Variants in GTF2A1L observed in about 807,000 individuals in gnomAD.
GTF2A1L encodes general transcription factor IIA subunit 1 like.
GTF2A1L carries 48 observed loss-of-function variants against 49.7 expected under a neutral mutation model. The observed-to-expected ratio is 0.97, with a 90% CI of 0.77 to 1.23. The LOEUF is 1.23. GTF2A1L is among the 50% of genes most tolerant of loss of function. The pLI, the probability that GTF2A1L is intolerant of heterozygous loss-of-function variation, is 0.00. For missense variants in GTF2A1L, 736 were observed against 564.8 expected (o/e 1.30, Z -3.07); for synonymous variants, 246 against 193.5 (o/e 1.27, Z -2.25).
chr2:48,644,290 A>G (rs1677372692), intron 4 of GTF2A1L, among the ~76,000 whole-genome samples: 1 of 152,190 alleles, frequency 6.6e-6, no homozygotes, highest in South Asian at 2.1e-4. Context: ...CATGAAAGCT[A>G]TATTAGTTTT....
Position 48,645,062 on chromosome 2 carries a change from T to A in GTF2A1L, c.333T>A (p.Thr111=). The change falls in exon 5 of 9, where the codon ACT becomes ACA. Residue 111 remains threonine (T), a synonymous_variant. Transcript: ENST00000403751. ...CTTCAAACTCCAGTGCAAACTTTAC[T>A]TTTCCTGGTTATCCCATTCATGTAC... ...LGTSNSSANF[T]FPGYPIHVPA... 6.2e-7 allele frequency: 1 copy of A among 1,612,806 alleles called. No individual in the cohort carries two copies. The highest frequency in any genetic ancestry group is 8.5e-7 in the Non-Finnish European group (1 of 1,179,536).
In GTF2A1L at chr2:48,631,778, T is replaced by C. The variant is rs140714032; in HGVS notation, c.247+10488T>C. On this transcript the variant is annotated intron_variant, in intron 3 of 8. Coordinates refer to ENST00000403751, the MANE Select transcript of GTF2A1L (RefSeq NM_006872.5). ...GTTAATTTGAGATCTTTCCAACTTT[T>C]TGTGGTAGGCATTTAGTACTATACA... Among the ~76,000 whole-genome samples, 124 of 152,286 alleles carry C rather than the reference T, an allele frequency of 8.1e-4. 1 individual carries two copies. In the East Asian group the frequency reaches 0.013, roughly 16 times the overall value.
rs549202780 is a variant in GTF2A1L, at chr2:48,666,886, A to G, written c.979-2836A>G. ...CTAAATTATTTGGTGTATCAATCAT[A>G]GTTTGACATTTCTAACTGTCTCTGA... On this transcript the variant is annotated intron_variant, in intron 6 of 8. Coordinates refer to ENST00000403751, the MANE Select transcript of GTF2A1L (RefSeq NM_006872.5). Among the ~76,000 whole-genome samples the G allele has an allele frequency of 7.2e-5, 11 of 151,976 alleles. No homozygotes were observed. In the South Asian group the frequency reaches 2.3e-3, roughly 32 times the overall value.
chr2:48,644,029 A>G (rs1471931344), intron 4 of GTF2A1L, among the ~76,000 whole-genome samples: 4 of 152,008 alleles, frequency 2.6e-5, no homozygotes, highest in African/African-American at 9.7e-5. Flanking sequence ...AAATTAGCCA[A>G]GCATGGTGGT....
At chr2:48,656,852 C>T (rs906531814) in intron 6 of GTF2A1L, among the ~76,000 whole-genome samples, 4 of 151,978 alleles carry the variant, frequency 2.6e-5, no homozygotes, top group Admixed American at 6.6e-5. Flanking sequence ...CTCTTTGATC[C>T]ATTTTGAGTT....
chr2:48,629,050 T>C lies in GTF2A1L; in HGVS notation c.247+7760T>C, dbSNP rs1215022643. Reference sequence around the variant, plus strand: ...TGAGGACAGGAGTTTGAGACCAGCCTGACCAACATGGTGAAACCTGTCTTT... The same window carrying C: ...TGAGGACAGGAGTTTGAGACCAGCCCGACCAACATGGTGAAACCTGTCTTT... On this transcript the variant is annotated intron_variant, in intron 3 of 8. Coordinates refer to ENST00000403751, the MANE Select transcript of GTF2A1L (RefSeq NM_006872.5). Among the ~76,000 whole-genome samples the C allele has an allele frequency of 2.1e-5, 3 of 143,076 alleles. 1 individual carries two copies. Among genetic ancestry groups the C allele is most frequent in the Non-Finnish European group, 4.7e-5 (3 of 63,604 alleles). The allele number at this position is 143,076 out of a possible 152,430, so 93.9% of individuals were successfully genotyped here.
chr2:48,632,979 T>G, intron 3 of GTF2A1L: 1 of 209,564 alleles, frequency 4.8e-6, no homozygotes, highest in Non-Finnish European at 1.0e-5. Flanking sequence ...GTTGTTGAAA[T>G]TAGTAAGATG....
intron 1 of GTF2A1L, among the ~76,000 whole-genome samples, chr2:48,618,774 T>C (rs777760848): frequency 2.9e-4 from 44 of 152,220 alleles, no homozygotes; most frequent in Non-Finnish European, 5.7e-4. Flanking sequence ...GTCTGTATTT[T>C]AAATAGAGGA....
chr2:48,645,719 G>C (rs1384481779), intron 5 of GTF2A1L, among the ~76,000 whole-genome samples: 1 of 152,176 alleles, frequency 6.6e-6, no homozygotes, highest in Non-Finnish European at 1.5e-5. Flanking sequence ...CGCAATCTCT[G>C]CTCACTGCAA....
chr2:48,662,652 C>CTTT (rs35260466), intron 6 of GTF2A1L, among the ~76,000 whole-genome samples: 1 of 132,378 alleles, frequency 7.6e-6, no homozygotes, highest in African/African-American at 2.7e-5. Context: ...CTTGGTTGAT[C>CTTT]TTTTTTTTTT....
At chr2:48,644,978 A>G (rs952011263) in intron 4 of GTF2A1L, 55 bp from the exon 5 acceptor site, 1 of 1,530,188 alleles carries the variant, frequency 6.5e-7, no homozygotes, top group African/African-American at 1.4e-5. Flanking sequence ...TCAGGGAAAA[A>G]AAGATACAAG....
At chr2:48,669,096 A>G (rs1362132545) in intron 6 of GTF2A1L, among the ~76,000 whole-genome samples, 1 of 152,168 alleles carries the variant, frequency 6.6e-6, no homozygotes, top group Non-Finnish European at 1.5e-5. Flanking sequence ...TACATTCACA[A>G]TGTTGTACAA....
intron 1 of GTF2A1L, chr2:48,618,140 A>T (rs998478631): frequency 7.9e-6 from 4 of 505,242 alleles, no homozygotes; most frequent in African/African-American, 2.0e-5. Context: ...TTTTTACCCA[A>T]ACTGAGGCTA....
At chr2:48,666,559 A>C (rs886241067) in intron 6 of GTF2A1L, among the ~76,000 whole-genome samples, 2 of 151,160 alleles carry the variant, frequency 1.3e-5, no homozygotes, top group African/African-American at 4.9e-5. Context: ...TTTATATTCA[A>C]TATAGTTATT....
In GTF2A1L at chr2:48,677,892, A is replaced by G. The variant is rs149408905; in HGVS notation, c.1330-1443A>G. ...ATTTTTGACTTGAGCTCTTAGAAGAATAAGTGGTCATTTCCCAGTGAGATG... is the reference window on the plus strand; with the variant it reads ...ATTTTTGACTTGAGCTCTTAGAAGAGTAAGTGGTCATTTCCCAGTGAGATG... On this transcript the variant is annotated intron_variant, in intron 8 of 8. Coordinates refer to ENST00000403751, the MANE Select transcript of GTF2A1L (RefSeq NM_006872.5). Among the ~76,000 whole-genome samples, 39 of 151,986 alleles carry G rather than the reference A, an allele frequency of 2.6e-4. No homozygotes were observed. In the East Asian group the frequency reaches 7.1e-3, roughly 28 times the overall value.
chr2:48,639,372 T>A (rs1372793624), intron 3 of GTF2A1L, among the ~76,000 whole-genome samples: 1 of 152,014 alleles, frequency 6.6e-6, no homozygotes, highest in African/African-American at 2.4e-5. Context: ...TGGAACAGAA[T>A]AGACAGCCAG....
Position 48,646,056 on chromosome 2 carries a change from G to A in GTF2A1L, c.389-397G>A, listed in dbSNP as rs558808331. 1.7e-4 allele frequency among the ~76,000 whole-genome samples: 26 copies of A among 151,734 alleles called. 1 individual carries two copies. The South Asian group carries it at 5.2e-3, about 30-fold the overall frequency. ...TTTGGATAGCATTGTCTTGCTATATGGCATTTTAAATATATGAAGTATATT... is the reference window on the plus strand; with the variant it reads ...TTTGGATAGCATTGTCTTGCTATATAGCATTTTAAATATATGAAGTATATT... On this transcript the variant is annotated intron_variant, in intron 5 of 8. Coordinates refer to ENST00000403751, the MANE Select transcript of GTF2A1L (RefSeq NM_006872.5).
At chr2:48,619,455 G>C (rs1250428835) in intron 1 of GTF2A1L, among the ~76,000 whole-genome samples, 1 of 145,878 alleles carries the variant, frequency 6.9e-6, no homozygotes, top group East Asian at 2.0e-4. Context: ...GGGTGACAGA[G>C]CAAGACTCCA....
At chr2:48,627,643 T>C (rs1346451622) in intron 3 of GTF2A1L, among the ~76,000 whole-genome samples, 3 of 144,500 alleles carry the variant, frequency 2.1e-5, no homozygotes, top group Non-Finnish European at 3.1e-5. Flanking sequence ...AGATACCCAG[T>C]TTGAATAACT....
Sources: gnomAD v4.1 joint callset for allele counts (sites outside exome capture counted in the v4.1 genomes callset) on GRCh38, gnomAD v4.1.1 for gene constraint, MANE v1.5 for transcripts, NCBI Gene and HGNC (gene_info 2026-07-23, HGNC 2026-07-21) for gene names.